Variants in PITPNC1 observed in about 807,000 individuals in gnomAD.
PITPNC1 encodes the protein cytoplasmic phosphatidylinositol transfer protein 1.
In PITPNC1, 18 loss-of-function variants were observed where a neutral mutation model predicts 44.7. The ratio of observed to expected loss-of-function variants is 0.40; its 90% CI spans 0.28 to 0.60. PITPNC1 has a LOEUF of 0.60. Among genes scored for constraint, PITPNC1 ranks in the 20% least tolerant of loss-of-function variants. PITPNC1 has a pLI of 0.39. For synonymous variants in PITPNC1, 141 were observed against 149.6 expected, an observed-to-expected ratio of 0.94 and a Z score of 0.42; for missense variants, 290 against 418.4, an observed-to-expected ratio of 0.69 and a Z score of 2.68.
Position 67,482,207 on chromosome 17 carries a change from C to T in PITPNC1, c.49-50595C>T, listed in dbSNP as rs150270470. Among the ~76,000 whole-genome samples, 6 of 152,224 alleles carry T rather than the reference C, an allele frequency of 3.9e-5. No homozygotes were observed. In the East Asian group the frequency reaches 1.2e-3, roughly 29 times the overall value. On this transcript the variant is annotated intron_variant, in intron 1 of 8. Transcript: ENST00000581322. ...AACATAAAATATCTTGGAAGAGCTA[C>T]AACTTAAAGGAAACTTGACTTGATA...
intron 6 of PITPNC1, among the ~76,000 whole-genome samples, chr17:67,642,000 T>C (rs978451929): frequency 6.6e-6 from 1 of 152,058 alleles, no homozygotes; most frequent in Non-Finnish European, 1.5e-5. Context: ...ACATATGGGT[T>C]GAGATTTTCC....
chr17:67,679,056 A>G (rs2042654993), intron 8 of PITPNC1, among the ~76,000 whole-genome samples: 1 of 152,200 alleles, frequency 6.6e-6, no homozygotes, highest in African/African-American at 2.4e-5. Flanking sequence ...AATTGTTTTA[A>G]CAAGCCCTCC....
intron 2 of PITPNC1, among the ~76,000 whole-genome samples, chr17:67,537,763 A>C (rs1263564119): frequency 6.6e-6 from 1 of 152,056 alleles, no homozygotes; most frequent in African/African-American, 2.4e-5. Context: ...TGAGGTCAGG[A>C]GATTGAGACC....
At position 67,632,202 on chromosome 17, in the gene PITPNC1, C is replaced by T. The variant is rs756372648; in HGVS notation, c.426C>T (p.Cys142=). ...AAGTTTGCTTTATTGATATTGCCTG[C>T]GATGAAATTCCAGAGCGCTACTACA... ...EREVCFIDIA[C]DEIPERYYKE... is the part of the protein sequence containing the mutation. Residue 142 remains cysteine, a synonymous_variant, in exon 6 of 9, where the codon TGC becomes TGT. Coordinates refer to ENST00000581322, the MANE Select transcript of PITPNC1 (RefSeq NM_012417.4). 4.3e-6 allele frequency: 7 copies of T among 1,611,944 alleles called. No homozygotes were observed. Among genetic ancestry groups the T allele is most frequent in the East Asian group, 2.2e-5 (1 of 44,870 alleles).
intron 4 of PITPNC1, among the ~76,000 whole-genome samples, chr17:67,574,564 A>G (rs2041109609): frequency 6.6e-6 from 1 of 152,202 alleles, no homozygotes; most frequent in South Asian, 2.1e-4. Flanking sequence ...AGGAAGAAAT[A>G]AAAGACCTTG....
chr17:67,613,929 CAAAAAAAAAAAAA>C (rs61136281), intron 5 of PITPNC1: 3 of 42,782 alleles, frequency 7.0e-5, no homozygotes, highest in Non-Finnish European at 1.2e-4. Flanking sequence ...CCTATCTCTA[CAAAAAAAAAAAAA>C]AAAAAAAAAA....
chr17:67,673,882 C>T (rs906750819), intron 7 of PITPNC1, among the ~76,000 whole-genome samples: 2 of 138,606 alleles, frequency 1.4e-5, no homozygotes, highest in African/African-American at 5.4e-5. Flanking sequence ...ACCAGGGAAG[C>T]GGAGGTTACA....
At position 67,610,084 on chromosome 17, in the gene PITPNC1, G is replaced by A. The variant is rs546163882; in HGVS notation, c.367-22059G>A. On this transcript the variant is annotated intron_variant, in intron 5 of 8. Coordinates refer to ENST00000581322, the MANE Select transcript of PITPNC1 (RefSeq NM_012417.4). ...GGCCACTACTTTCCTCTGTCGTTCC[G>A]CTATTCCATGCTCCCTGCCTCAAAC... Among the ~76,000 whole-genome samples, 175 of 152,210 alleles carry A rather than the reference G, an allele frequency of 1.1e-3. 1 individual carries two copies. The highest frequency in any genetic ancestry group is 4.0e-3 in the African/African-American group (168 of 41,534).
At chr17:67,510,487 C>A (rs993991384) in intron 1 of PITPNC1, among the ~76,000 whole-genome samples, 1 of 152,218 alleles carries the variant, frequency 6.6e-6, no homozygotes, top group Non-Finnish European at 1.5e-5. Flanking sequence ...TTTCTCAGTT[C>A]CTTCTTCAGA....
At chr17:67,614,279 G>A (rs2041729189) in intron 5 of PITPNC1, among the ~76,000 whole-genome samples, 1 of 151,714 alleles carries the variant, frequency 6.6e-6, no homozygotes. Flanking sequence ...ACTTTATTAC[G>A]GAATCACAGA....
intron 2 of PITPNC1, among the ~76,000 whole-genome samples, chr17:67,535,824 T>TG (rs2040520328): frequency 3.3e-5 from 5 of 152,016 alleles, no homozygotes; most frequent in African/African-American, 7.3e-5. Context: ...AGGAAGGGCA[T>TG]CGGGGGGACA....
At chr17:67,445,172 C>T (rs377193265) in intron 1 of PITPNC1, among the ~76,000 whole-genome samples, 8 of 151,854 alleles carry the variant, frequency 5.3e-5, no homozygotes, top group South Asian at 2.1e-4. Flanking sequence ...GTGTGTTGAC[C>T]GACTTCAGTG....
At chr17:67,625,111 A>G (rs2041880649) in intron 5 of PITPNC1, among the ~76,000 whole-genome samples, 1 of 152,214 alleles carries the variant, frequency 6.6e-6, no homozygotes, top group African/African-American at 2.4e-5. Context: ...ATTGACACCA[A>G]AATCCACTGC....
intron 1 of PITPNC1, among the ~76,000 whole-genome samples, chr17:67,480,333 A>G (rs1568007343): frequency 6.6e-6 from 1 of 152,236 alleles, no homozygotes; most frequent in Non-Finnish European, 1.5e-5. Flanking sequence ...CTTTGTTTGC[A>G]GGGATATGTT....
chr17:67,591,238 T>C (rs2041387654), intron 5 of PITPNC1, among the ~76,000 whole-genome samples: 1 of 152,086 alleles, frequency 6.6e-6, no homozygotes, highest in South Asian at 2.1e-4. Flanking sequence ...CTCTCCAAAA[T>C]TGTTGAGGTC....
At chr17:67,400,929 G>GT (rs1555647287) in intron 1 of PITPNC1, among the ~76,000 whole-genome samples, 56 of 150,218 alleles carry the variant, frequency 3.7e-4, no homozygotes, top group East Asian at 5.8e-4. Context: ...CTTTCTTTCT[G>GT]TTTTTTTTTG....
At position 67,451,827 on chromosome 17, in the gene PITPNC1, G is replaced by A. The variant is rs538883422; in HGVS notation, c.48+73625G>A. Among the ~76,000 whole-genome samples, 270 of 151,380 alleles carry A rather than the reference G, an allele frequency of 1.8e-3. 10 individuals carry two copies. In the East Asian group the frequency reaches 0.051, roughly 29 times the overall value. On this transcript the variant is annotated intron_variant, in intron 1 of 8. Coordinates refer to ENST00000581322, the MANE Select transcript of PITPNC1 (RefSeq NM_012417.4). ...TAATTTTTGTATTTTTAGTAGAGAT[G>A]GAGTTTCACCATGCTAGCCAGGATG...
intron 1 of PITPNC1, among the ~76,000 whole-genome samples, chr17:67,381,507 C>T (rs1282341933): frequency 2.0e-5 from 3 of 147,894 alleles, no homozygotes; most frequent in African/African-American, 7.5e-5. Flanking sequence ...CCCTCTGTCT[C>T]CCAGGCTGGA....
chr17:67,624,816 G>T (rs968603366), intron 5 of PITPNC1, among the ~76,000 whole-genome samples: 2 of 152,116 alleles, frequency 1.3e-5, no homozygotes, highest in African/African-American at 4.8e-5. Context: ...GAGCCACCAT[G>T]CCTGGCCACC....
Sources: allele counts gnomAD v4.1 joint callset (sites outside exome capture counted in the v4.1 genomes callset), GRCh38; gene constraint gnomAD v4.1.1; transcripts MANE v1.5; gene names NCBI Gene and HGNC (gene_info 2026-07-23, HGNC 2026-07-21).